Variants in LRRC4C observed in about 807,000 individuals in gnomAD.
LRRC4C encodes leucine-rich repeat-containing protein 4C.
A neutral mutation model predicts 33.6 loss-of-function variants in LRRC4C; 5 were observed. That is an observed-to-expected ratio of 0.15 (90% CI 0.08 to 0.31). LRRC4C has a LOEUF of 0.31. LRRC4C is among the 10% of genes least tolerant of loss of function. The pLI, the probability that LRRC4C is intolerant of heterozygous loss-of-function variation, is 1.00. For synonymous variants in LRRC4C, 329 were observed against 302.0 expected, an observed-to-expected ratio of 1.09 and a Z score of -0.93; for missense variants, 560 against 796.7, an observed-to-expected ratio of 0.70 and a Z score of 3.58.
At chr11:40,870,381 C>T (rs1056744308) in intron 2 of LRRC4C, among the ~76,000 whole-genome samples, 2 of 151,900 alleles carry the variant, frequency 1.3e-5, no homozygotes, top group Non-Finnish European at 2.9e-5. Flanking sequence ...ATTGTGAATT[C>T]TTATAATTTT....
chr11:41,264,177 C>T lies in LRRC4C; in HGVS notation c.-496+195254G>A, dbSNP rs1020226670. ...CTCAATCTTGGCTCACTGCAACCTCCGCCTCCTGGGTTCAGGCAATGCTCC... is the reference window on the plus strand; with the variant it reads ...CTCAATCTTGGCTCACTGCAACCTCTGCCTCCTGGGTTCAGGCAATGCTCC... On this transcript the variant is annotated intron_variant, in intron 1 of 6. Transcript: ENST00000528697. Among the ~76,000 whole-genome samples, 7 of 151,374 alleles carry T rather than the reference C, an allele frequency of 4.6e-5. No homozygotes were observed. In the South Asian group the frequency reaches 6.3e-4, roughly 14 times the overall value.
At chr11:41,142,099 A>G (rs1943531880) in intron 1 of LRRC4C, among the ~76,000 whole-genome samples, 1 of 152,006 alleles carries the variant, frequency 6.6e-6, no homozygotes, top group Admixed American at 6.6e-5. Flanking sequence ...AAAAGTCCCA[A>G]ACTAGCTCAT....
chr11:40,651,467 T>C (rs10837458), intron 2 of LRRC4C, among the ~76,000 whole-genome samples: 23,380 of 152,148 alleles, frequency 0.15, 1,851 homozygotes, highest in Non-Finnish European at 0.18. Flanking sequence ...TTGTTCAATT[T>C]ATGAAATACT....
intron 2 of LRRC4C, among the ~76,000 whole-genome samples, chr11:40,678,279 C>T (rs976986451): frequency 6.6e-6 from 1 of 151,968 alleles, no homozygotes; most frequent in African/African-American, 2.4e-5. Context: ...AGAATTTCAG[C>T]CCTGGAGCCC....
chr11:41,184,815 C>CAAAAAAA (rs34577485), intron 1 of LRRC4C, among the ~76,000 whole-genome samples: 1 of 112,476 alleles, frequency 8.9e-6, no homozygotes, highest in Non-Finnish European at 1.8e-5. Flanking sequence ...GGGCAATTTA[C>CAAAAAAA]AAAAAAAAAA....
intron 5 of LRRC4C, among the ~76,000 whole-genome samples, chr11:40,237,017 C>T (rs186337643): frequency 2.0e-5 from 3 of 152,248 alleles, no homozygotes; most frequent in Non-Finnish European, 1.5e-5. Flanking sequence ...AAAACACAGT[C>T]ATCTTGATTT....
intron 3 of LRRC4C, among the ~76,000 whole-genome samples, chr11:40,594,925 C>T (rs567669221): frequency 6.6e-5 from 10 of 152,032 alleles, no homozygotes; most frequent in South Asian, 2.1e-4. Flanking sequence ...CACACAAACA[C>T]GCCATATGTA....
At chr11:40,610,852 T>C (rs1430659018) in intron 3 of LRRC4C, among the ~76,000 whole-genome samples, 1 of 151,724 alleles carries the variant, frequency 6.6e-6, no homozygotes, top group South Asian at 2.1e-4. Flanking sequence ...ATATATAAAA[T>C]ATTACTGAAA....
intron 1 of LRRC4C, among the ~76,000 whole-genome samples, chr11:41,377,778 AC>A (rs1471536142): frequency 6.6e-6 from 1 of 152,144 alleles, no homozygotes; most frequent in Non-Finnish European, 1.5e-5. Context: ...TGGGGACCAA[AC>A]AACTATTACA....
chr11:40,459,336 A>G (rs1159031622), intron 3 of LRRC4C, among the ~76,000 whole-genome samples: 1 of 152,174 alleles, frequency 6.6e-6, no homozygotes, highest in Admixed American at 6.6e-5. Context: ...CATTTGCAGC[A>G]TCATTGTACT....
At chr11:40,181,712 C>A (rs141782797) in intron 5 of LRRC4C, among the ~76,000 whole-genome samples, 1 of 152,170 alleles carries the variant, frequency 6.6e-6, no homozygotes, top group Non-Finnish European at 1.5e-5. Flanking sequence ...ATTTCTGGTC[C>A]ATTCTTACCC....
chr11:41,143,825 G>A (rs191898427), intron 1 of LRRC4C, among the ~76,000 whole-genome samples: 3 of 152,224 alleles, frequency 2.0e-5, no homozygotes, highest in Admixed American at 6.5e-5. Context: ...CTAATTGAGA[G>A]GCAAGACTGC....
At chr11:40,635,003 A>AG (rs1963829643) in intron 3 of LRRC4C, among the ~76,000 whole-genome samples, 1 of 152,096 alleles carries the variant, frequency 6.6e-6, no homozygotes, top group Non-Finnish European at 1.5e-5. Context: ...ATTTAAAAAA[A>AG]AAAACAGGGT....
intron 1 of LRRC4C, among the ~76,000 whole-genome samples, chr11:41,435,539 C>A (rs1246607926): frequency 3.9e-5 from 6 of 152,200 alleles, no homozygotes; most frequent in Non-Finnish European, 8.8e-5. Context: ...AAGGAACAAG[C>A]ATTCCACTAT....
At chr11:40,493,906 G>A (rs552756040) in intron 3 of LRRC4C, among the ~76,000 whole-genome samples, 1 of 152,278 alleles carries the variant, frequency 6.6e-6, no homozygotes, top group South Asian at 2.1e-4. Context: ...TTGGGAGGCT[G>A]ACCTTGATGT....
chr11:40,523,259 A>G (rs999177891), intron 3 of LRRC4C, among the ~76,000 whole-genome samples: 1 of 152,036 alleles, frequency 6.6e-6, no homozygotes, highest in African/African-American at 2.4e-5. Context: ...TGTGGATTTG[A>G]TTTGCATTTT....
intron 2 of LRRC4C, among the ~76,000 whole-genome samples, chr11:40,898,126 G>A (rs1204689137): frequency 2.0e-5 from 3 of 151,892 alleles, no homozygotes; most frequent in Non-Finnish European, 2.9e-5. Flanking sequence ...AGGCCGAGGC[G>A]GGCAGATCAC....
chr11:40,643,964 A>G (rs1942279650), intron 3 of LRRC4C, among the ~76,000 whole-genome samples: 1 of 152,166 alleles, frequency 6.6e-6, no homozygotes, highest in Admixed American at 6.5e-5. Context: ...TACGTATTCT[A>G]CCAACAATCA....
chr11:41,408,941 A>G (rs1954353867), intron 1 of LRRC4C, among the ~76,000 whole-genome samples: 3 of 152,220 alleles, frequency 2.0e-5, no homozygotes, highest in African/African-American at 7.2e-5. Flanking sequence ...CATTATAACT[A>G]AAGGCAACGC....
Sources: gnomAD v4.1 joint callset for allele counts (sites outside exome capture counted in the v4.1 genomes callset) on GRCh38, gnomAD v4.1.1 for gene constraint, MANE v1.5 for transcripts, NCBI Gene and HGNC (gene_info 2026-07-23, HGNC 2026-07-21) for gene names.